The following KIF27 variants were observed in gnomAD, a reference collection of about 807,000 sequenced individuals.
The protein encoded by KIF27 is kinesin-like protein KIF27.
Under a neutral mutation model 141.8 loss-of-function variants are expected in KIF27, and 84 were observed. The observed-to-expected ratio is 0.59, with a 90% CI of 0.50 to 0.71. KIF27 has a LOEUF of 0.71. Ranked by LOEUF, KIF27 falls within the 30% of genes least tolerant of loss-of-function variation. The pLI is 0.00. For missense variants in KIF27, 1,306 were observed against 1,628.4 expected (o/e 0.80, Z 3.41); for synonymous variants, 471 against 569.5 (o/e 0.83, Z 2.46).
chr9:83,853,957 A>G (rs1948897023), intron 14 of KIF27, 122 bp from the exon 15 acceptor site: 4 of 747,884 alleles, frequency 5.3e-6, no homozygotes, highest in East Asian at 5.4e-5. Context: ...CTAGATTTTA[A>G]GAAAATGTTT....
At chr9:83,850,830 CTTTTTTTTTTT>C (rs202212264) in intron 15 of KIF27, among the ~76,000 whole-genome samples, 6 of 67,504 alleles carry the variant, frequency 8.9e-5, no homozygotes, top group Admixed American at 3.1e-4. Flanking sequence ...ATGACATTTT[CTTTTTTTTTTT>C]TTTTTTTTTT....
intron 2 of KIF27, among the ~76,000 whole-genome samples, chr9:83,913,572 G>A (rs1362944228): frequency 6.6e-6 from 1 of 152,144 alleles, no homozygotes; most frequent in Non-Finnish European, 1.5e-5. Flanking sequence ...AAGTAGCTGG[G>A]ATTAGAGGCA....
intron 5 of KIF27, among the ~76,000 whole-genome samples, chr9:83,894,586 C>T (rs1211011041): frequency 1.3e-5 from 2 of 152,170 alleles, no homozygotes; most frequent in African/African-American, 2.4e-5. Flanking sequence ...TCATGACCCA[C>T]GCATCCTCAA....
intron 16 of KIF27, among the ~76,000 whole-genome samples, chr9:83,843,974 C>A (rs1946890082): frequency 6.6e-6 from 1 of 151,988 alleles, no homozygotes; most frequent in Admixed American, 6.6e-5. Flanking sequence ...AGTATTGATG[C>A]CAAGTATTGA....
At chr9:83,916,199 AT>A (rs1236640895) in intron 1 of KIF27, among the ~76,000 whole-genome samples, 13 of 151,832 alleles carry the variant, frequency 8.6e-5, no homozygotes, top group Non-Finnish European at 1.5e-4. Flanking sequence ...CACCCAGCTA[AT>A]TTTTGTATTT....
intron 3 of KIF27, among the ~76,000 whole-genome samples, chr9:83,908,003 C>T (rs1207802483): frequency 2.6e-5 from 4 of 152,184 alleles, no homozygotes; most frequent in African/African-American, 7.2e-5. Context: ...GTGGCTCACG[C>T]CTGTAATCCC....
chr9:83,883,542 CT>C (rs1228834696), intron 10 of KIF27, among the ~76,000 whole-genome samples: 2 of 152,166 alleles, frequency 1.3e-5, no homozygotes, highest in Non-Finnish European at 2.9e-5. Context: ...ATCCTTTGTC[CT>C]TCAGAAATAA....
chr9:83,906,744 C>CA (rs565683124), intron 3 of KIF27, among the ~76,000 whole-genome samples: 1,031 of 49,568 alleles, frequency 0.021, 11 homozygotes, highest in African/African-American at 0.036. Flanking sequence ...ACCCTGTCTC[C>CA]AAAAAAAAAA....
chr9:83,918,901 C>T (rs1218795852), intron 1 of KIF27, among the ~76,000 whole-genome samples: 1 of 152,090 alleles, frequency 6.6e-6, no homozygotes, highest in Non-Finnish European at 1.5e-5. Flanking sequence ...CATGGTGAAA[C>T]CCCGTCCTTA....
Position 83,917,762 on chromosome 9 carries a change from G to A in KIF27, c.-87-2084C>T, listed in dbSNP as rs146446464. On this transcript the variant is annotated intron_variant, in intron 1 of 17. Transcript: ENST00000297814. ...GGACAATGGATAAAATAATGAAGTT[G>A]GACTCCCTACCTCATATCATATACA... 2.4e-3 allele frequency among the ~76,000 whole-genome samples: 372 copies of A among 152,142 alleles called. 1 individual carries two copies. Among genetic ancestry groups the A allele is most frequent in the African/African-American group, 8.6e-3 (359 of 41,514 alleles).
In KIF27 at chr9:83,848,215, A is replaced by C. The variant is rs186930137; in HGVS notation, c.3556+1884T>G. Reference sequence around the variant, plus strand: ...ATATGATATATCAGATATGATATATATGATATATCAGATATGATATATATG... The same window carrying C: ...ATATGATATATCAGATATGATATATCTGATATATCAGATATGATATATATG... On this transcript the variant is annotated intron_variant, in intron 16 of 17. Coordinates refer to ENST00000297814, the MANE Select transcript of KIF27 (RefSeq NM_017576.4). 4.3e-3 allele frequency among the ~76,000 whole-genome samples: 263 copies of C among 60,868 alleles called. 28 individuals carry two copies. The highest frequency in any genetic ancestry group is 0.018 in the Middle Eastern group (1 of 56). The allele number at this position is 60,868 out of a possible 152,430, so 39.9% of individuals were successfully genotyped here.
At chr9:83,900,740 T>C (rs966909251) in intron 4 of KIF27, among the ~76,000 whole-genome samples, 7 of 152,062 alleles carry the variant, frequency 4.6e-5, no homozygotes, top group Non-Finnish European at 7.4e-5. Flanking sequence ...CACGTATATA[T>C]ATACGTGTAT....
intron 13 of KIF27, among the ~76,000 whole-genome samples, chr9:83,864,563 T>C (rs1950201133): frequency 6.6e-6 from 1 of 152,230 alleles, no homozygotes; most frequent in Admixed American, 6.5e-5. Context: ...TTCTATTCTT[T>C]TACATTTGCT....
intron 17 of KIF27, among the ~76,000 whole-genome samples, chr9:83,839,861 T>C (rs1946360956): frequency 6.6e-6 from 1 of 152,134 alleles, no homozygotes; most frequent in African/African-American, 2.4e-5. Context: ...GAGAATCGTT[T>C]GAACCTGGGA....
chr9:83,908,281 G>T (rs1365820689), intron 3 of KIF27, among the ~76,000 whole-genome samples, 171 bp downstream of exon 3: 1 of 135,818 alleles, frequency 7.4e-6, no homozygotes, highest in Non-Finnish European at 1.6e-5. Flanking sequence ...AAAAAAAAAA[G>T]AGAGAGAGAG....
chr9:83,853,735 C>T lies in KIF27; in HGVS notation c.3251G>A (p.Arg1084Lys). ...ESIQNRQKSLRASFHNLSRGE... is the reference protein window; with the variant it reads ...ESIQNRQKSLKASFHNLSRGE... ...ACGAGAGAGGTTATGGAATGATGCTCTAAGTGACTTCTGGCGATTCTGGAT... is the reference window on the plus strand; with the variant it reads ...ACGAGAGAGGTTATGGAATGATGCTTTAAGTGACTTCTGGCGATTCTGGAT... The change falls in exon 15 of 18, where the codon AGA becomes AAA. Residue 1084 changes from arginine to lysine, a missense_variant. By Grantham distance (26) the Arg-to-Lys change is conservative (BLOSUM62 2). Transcript: ENST00000297814. 1 of 1,613,848 alleles carries T rather than the reference C, an allele frequency of 6.2e-7. No individual in the cohort carries two copies.
At chr9:83,870,141 C>CTCTATCTATCTATCTATCTATCTATCTA (rs200694940) in intron 12 of KIF27, among the ~76,000 whole-genome samples, 1 of 151,504 alleles carries the variant, frequency 6.6e-6, no homozygotes, top group African/African-American at 2.4e-5. Flanking sequence ...CTATCTATCT[C>CTCTATCTATCTATCTATCTATCTATCTA]TCTATCTATC....
chr9:83,920,524 C>T (rs1191515492), intron 1 of KIF27, among the ~76,000 whole-genome samples: 2 of 152,130 alleles, frequency 1.3e-5, no homozygotes, highest in Admixed American at 6.6e-5. Flanking sequence ...GTTGCCATCC[C>T]GTACCCTTGA....
chr9:83,915,665 T>A lies in KIF27; in HGVS notation c.-74A>T. The A allele has an allele frequency of 7.4e-7, 1 of 1,349,644 alleles. No homozygotes were observed. The highest frequency in any genetic ancestry group is 1.5e-5 in the South Asian group (1 of 67,908). 83.6% of individuals were successfully genotyped at this position (1,349,644 alleles called of 1,614,324 possible). ...TAGTGTGAGAGACTTCCATCTTATG[T>A]AAGATCTGGATTCCTGTGCAACAAA... is the stretch of plus-strand genomic sequence containing the variant. On this transcript the variant is annotated 5_prime_UTR_variant, in exon 2 of 18. Transcript: ENST00000297814.
Sources: gnomAD v4.1 joint callset for allele counts (sites outside exome capture counted in the v4.1 genomes callset) on GRCh38, gnomAD v4.1.1 for gene constraint, MANE v1.5 for transcripts, NCBI Gene and HGNC (gene_info 2026-07-23, HGNC 2026-07-21) for gene names.